ARFGAP3: variants seen among roughly 807,000 people sequenced by gnomAD.
ARFGAP3 encodes ADP-ribosylation factor GTPase-activating protein 3.
Under a neutral mutation model 75.0 loss-of-function variants are expected in ARFGAP3, and 72 were observed. The observed-to-expected ratio is 0.96, with a 90% CI of 0.79 to 1.17. The LOEUF (loss-of-function observed/expected upper bound fraction) is 1.17. ARFGAP3 is among the 50% of genes most tolerant of loss of function. The pLI, the probability that ARFGAP3 is intolerant of heterozygous loss-of-function variation, is 0.00. For missense variants in ARFGAP3, 620 were observed against 626.6 expected (o/e 0.99, Z 0.11); for synonymous variants, 221 against 217.9 (o/e 1.01, Z -0.13).
At chr22:42,848,498 G>A (rs1483056761) in intron 1 of ARFGAP3, among the ~76,000 whole-genome samples, 1 of 152,234 alleles carries the variant, frequency 6.6e-6, no homozygotes, top group Admixed American at 6.5e-5. Context: ...GTGAGCCACC[G>A]CGCCCGGGCT....
Position 42,857,210 on chromosome 22 carries a change from G to C in ARFGAP3, c.-28C>G, listed in dbSNP as rs777958415. On this transcript the variant is annotated 5_prime_UTR_variant, in exon 1 of 16. Transcript: ENST00000263245. ...TCAGCTGTGAGCCGCGGCGCAGCTG[G>C]CCCAGCCAACCGGTAAGAGTCGACG... 7.3e-6 allele frequency: 11 copies of C among 1,504,486 alleles called. No homozygotes were observed. Among genetic ancestry groups the C allele is most frequent in the Non-Finnish European group, 9.8e-6 (11 of 1,123,580 alleles). The allele number at this position is 1,504,486 out of a possible 1,614,324, so 93.2% of individuals were successfully genotyped here.
intron 14 of ARFGAP3, among the ~76,000 whole-genome samples, chr22:42,804,867 G>C (rs946506860): frequency 1.3e-5 from 2 of 151,474 alleles, no homozygotes; most frequent in African/African-American, 2.4e-5. Context: ...TACTTCAATA[G>C]GAAAGTATTA....
At chr22:42,830,906 G>A (rs1807592) in intron 6 of ARFGAP3, among the ~76,000 whole-genome samples, 54,404 of 151,974 alleles carry the variant, frequency 0.36, 10,838 homozygotes, top group Non-Finnish European at 0.45. Context: ...GAACGTTTTT[G>A]GTATGTTTTT....
At chr22:42,835,804 G>A (rs1432279687) in intron 3 of ARFGAP3, among the ~76,000 whole-genome samples, 1 of 152,040 alleles carries the variant, frequency 6.6e-6, no homozygotes, top group Non-Finnish European at 1.5e-5. Flanking sequence ...GGGCAACAGA[G>A]CAAGACTCCA....
chr22:42,840,278 C>G (rs1926721431), intron 3 of ARFGAP3, among the ~76,000 whole-genome samples: 2 of 152,076 alleles, frequency 1.3e-5, no homozygotes, highest in Admixed American at 1.3e-4. Flanking sequence ...AGCAGCTAGC[C>G]AACGCTTCCT....
At chr22:42,852,478 G>A (rs970976588) in intron 1 of ARFGAP3, among the ~76,000 whole-genome samples, 1 of 151,884 alleles carries the variant, frequency 6.6e-6, no homozygotes, top group Non-Finnish European at 1.5e-5. Flanking sequence ...TCCTGTCTCA[G>A]CCTCCCGAGT....
At chr22:42,810,729 G>C in intron 12 of ARFGAP3, 84 bp downstream of exon 12, 1 of 1,237,020 alleles carries the variant, frequency 8.1e-7, no homozygotes, top group Admixed American at 1.9e-5. Context: ...CCTTACAAGG[G>C]TTTTCATGTC....
intron 9 of ARFGAP3, among the ~76,000 whole-genome samples, chr22:42,821,361 T>C (rs1054465847): frequency 1.3e-5 from 2 of 152,218 alleles, no homozygotes; most frequent in African/African-American, 4.8e-5. Context: ...AAAGCAGGCC[T>C]GGACCATTAG....
chr22:42,805,035 G>A (rs1158076132), intron 14 of ARFGAP3, among the ~76,000 whole-genome samples: 1 of 152,194 alleles, frequency 6.6e-6, no homozygotes, highest in Non-Finnish European at 1.5e-5. Flanking sequence ...GGAGGCTGAG[G>A]AGGGAGGTTT....
intron 12 of ARFGAP3, among the ~76,000 whole-genome samples, chr22:42,809,552 C>A (rs1370575764): frequency 1.4e-5 from 2 of 145,098 alleles, no homozygotes; most frequent in Non-Finnish European, 3.0e-5. Context: ...GGGCCAGGGG[C>A]AGGGGAGGGG....
At chr22:42,852,179 C>T (rs1433384759) in intron 1 of ARFGAP3, among the ~76,000 whole-genome samples, 2 of 151,934 alleles carry the variant, frequency 1.3e-5, no homozygotes. Flanking sequence ...CTCAGCCTCC[C>T]GAGCAGCTGG....
chr22:42,819,213 C>T (rs1440117276), intron 9 of ARFGAP3, among the ~76,000 whole-genome samples: 1 of 152,146 alleles, frequency 6.6e-6, no homozygotes, highest in Non-Finnish European at 1.5e-5. Context: ...GTTTGTTTTC[C>T]TTACTCTTCC....
At chr22:42,826,360 T>C (rs1389538342) in intron 7 of ARFGAP3, among the ~76,000 whole-genome samples, 1 of 151,860 alleles carries the variant, frequency 6.6e-6, no homozygotes, top group African/African-American at 2.4e-5. Flanking sequence ...AGCAGCCATA[T>C]TGGCTAAATG....
At chr22:42,799,674 T>C (rs1018643572) in intron 14 of ARFGAP3, among the ~76,000 whole-genome samples, 8 of 152,192 alleles carry the variant, frequency 5.3e-5, no homozygotes, top group Admixed American at 3.9e-4. Context: ...CAGGGATTCA[T>C]GTATCCTCAA....
intron 1 of ARFGAP3, among the ~76,000 whole-genome samples, chr22:42,848,449 C>T (rs1021024966): frequency 2.0e-5 from 3 of 152,184 alleles, no homozygotes; most frequent in African/African-American, 7.2e-5. Flanking sequence ...ACCTCGTGAT[C>T]CACCCGCCTT....
At chr22:42,820,675 A>G (rs1252517979) in intron 9 of ARFGAP3, among the ~76,000 whole-genome samples, 1 of 152,222 alleles carries the variant, frequency 6.6e-6, no homozygotes, top group African/African-American at 2.4e-5. Flanking sequence ...AAACACCATT[A>G]AAAAACACAC....
chr22:42,799,226 C>T (rs1459033237), intron 14 of ARFGAP3, 66 bp from the exon 15 acceptor site: 2 of 1,592,892 alleles, frequency 1.3e-6, no homozygotes, highest in South Asian at 1.1e-5. Context: ...ACCCAGTACC[C>T]AGAGTGCTCA....
intron 15 of ARFGAP3, among the ~76,000 whole-genome samples, chr22:42,797,883 G>A (rs112928900): frequency 1.3e-5 from 2 of 152,300 alleles, no homozygotes; most frequent in African/African-American, 2.4e-5. Flanking sequence ...CAAAGTGGGC[G>A]GGAGGATGCT....
intron 2 of ARFGAP3, among the ~76,000 whole-genome samples, chr22:42,846,834 C>T (rs1302433884): frequency 1.3e-5 from 2 of 152,196 alleles, no homozygotes; most frequent in African/African-American, 2.4e-5. Flanking sequence ...AGATGATTGA[C>T]ATAAATCGGT....
Sources: gnomAD v4.1 joint callset for allele counts (sites outside exome capture counted in the v4.1 genomes callset) on GRCh38, gnomAD v4.1.1 for gene constraint, MANE v1.5 for transcripts, NCBI Gene and HGNC (gene_info 2026-07-23, HGNC 2026-07-21) for gene names.